The following PCDHA5 variants were observed in gnomAD, a reference collection of about 807,000 sequenced individuals.
PCDHA5 encodes protocadherin alpha-5.
Under a neutral mutation model 61.6 loss-of-function variants are expected in PCDHA5, and 43 were observed. The observed-to-expected ratio is 0.70, with a 90% CI of 0.55 to 0.90. The LOEUF (loss-of-function observed/expected upper bound fraction) is 0.90, where lower values mean the gene tolerates loss of function less well. Ranked by LOEUF, PCDHA5 falls within the 40% of genes least tolerant of loss-of-function variation. The probability of loss-of-function intolerance (pLI) is 0.00; values close to 1 mark genes in which losing one functional copy is unlikely to be tolerated. For missense variants in PCDHA5, 1,298 were observed against 1,222.7 expected, an observed-to-expected ratio of 1.06 and a Z score of -0.92; for synonymous variants, 627 against 543.9, an observed-to-expected ratio of 1.15 and a Z score of -2.13.
rs782316296 is a variant in PCDHA5 at position 140,927,382 on chromosome 5, AG to A, written c.2353-51566del. Reference sequence around the variant, plus strand: ...CAATGGGATACTAAGCTACAGCCTAAGCCCCAGTCAGCACTTTCGCCTGGAC... The same window carrying A: ...CAATGGGATACTAAGCTACAGCCTAACCCCAGTCAGCACTTTCGCCTGGAC... On this transcript the variant is annotated intron_variant, in intron 1 of 3. Coordinates refer to ENST00000529859, the MANE Select transcript of PCDHA5 (RefSeq NM_018908.3). 6 of 1,614,012 alleles carry A rather than the reference AG, an allele frequency of 3.7e-6. No homozygotes were observed. The African/African-American group carries it at 8.0e-5, about 22-fold the overall frequency.
chr5:140,927,357 C>A, intron 1 of PCDHA5: 1 of 1,614,052 alleles, frequency 6.2e-7, no homozygotes, highest in South Asian at 1.1e-5. Context: ...ACGAGGGAAG[C>A]AATGGGATAC....
At chr5:140,884,169 C>A in intron 1 of PCDHA5, 2 of 1,613,426 alleles carry the variant, frequency 1.2e-6, no homozygotes, top group South Asian at 1.1e-5. Flanking sequence ...ATCAGCACGA[C>A]GCGCCCTCTG....
Position 140,851,528 on chromosome 5 carries a change from C to T in PCDHA5, c.2352+27401C>T, listed in dbSNP as rs185754801. ...ATAAAATATGTTTTAAAATGCCTGA[C>T]AATGTAGATAATTCAAGAAATGTTG... On this transcript the variant is annotated intron_variant, in intron 1 of 3. Transcript: ENST00000529859. 15 of 903,994 alleles carry T rather than the reference C, an allele frequency of 1.7e-5. No homozygotes were observed. The East Asian group carries it at 1.6e-3, about 98-fold the overall frequency. The allele number at this position is 903,994 out of a possible 1,614,324, so 56.0% of individuals were successfully genotyped here.
At position 140,857,244 on chromosome 5, in the gene PCDHA5, C is replaced by T. The variant is rs192745808; in HGVS notation, c.2352+33117C>T. On this transcript the variant is annotated intron_variant, in intron 1 of 3. Coordinates refer to ENST00000529859, the MANE Select transcript of PCDHA5 (RefSeq NM_018908.3). ...CACGTTCCGTTCAAGCTGGTGTCCA[C>T]CTACAAGAATTACTACTCATTGGTG... 5 of 1,598,592 alleles carry T rather than the reference C, an allele frequency of 3.1e-6. 1 individual carries two copies. In the African/African-American group the frequency reaches 6.7e-5, roughly 21 times the overall value.
chr5:140,917,942 A>G (rs781844380), intron 1 of PCDHA5, among the ~76,000 whole-genome samples: 5 of 152,048 alleles, frequency 3.3e-5, no homozygotes, highest in African/African-American at 4.8e-5. Flanking sequence ...TAATATTGGT[A>G]GTTTGATAGG....
At chr5:140,857,386 C>T (rs782509093) in intron 1 of PCDHA5, 1 of 1,598,308 alleles carries the variant, frequency 6.3e-7, no homozygotes. Context: ...AGGTGGCCGA[C>T]GTGAACGACA....
chr5:140,951,046 TA>T (rs1414168325), intron 1 of PCDHA5, among the ~76,000 whole-genome samples: 1 of 152,138 alleles, frequency 6.6e-6, no homozygotes, highest in Non-Finnish European at 1.5e-5. Context: ...ATTATATTTT[TA>T]TTGCTAAAAT....
intron 1 of PCDHA5, among the ~76,000 whole-genome samples, chr5:140,903,060 T>C (rs1412957275): frequency 6.6e-6 from 1 of 152,316 alleles, no homozygotes; most frequent in East Asian, 1.9e-4. Flanking sequence ...TGACTTCTTT[T>C]CCTTTGGGTA....
chr5:140,874,167 T>C lies in PCDHA5; in HGVS notation c.2352+50040T>C, dbSNP rs910574514. On this transcript the variant is annotated intron_variant, in intron 1 of 3. Coordinates refer to ENST00000529859, the MANE Select transcript of PCDHA5 (RefSeq NM_018908.3). ...TGTAGAGCCATTCTTGGTTACTCTTTCCTGGTGTTGTAAAGGTGTCATATT... is the reference window on the plus strand; with the variant it reads ...TGTAGAGCCATTCTTGGTTACTCTTCCCTGGTGTTGTAAAGGTGTCATATT... 4.6e-5 allele frequency among the ~76,000 whole-genome samples: 7 copies of C among 152,340 alleles called. No homozygotes were observed. The East Asian group carries it at 1.2e-3, about 25-fold the overall frequency.
intron 1 of PCDHA5, chr5:140,859,356 A>C (rs1159666697): frequency 7.9e-6 from 2 of 251,624 alleles, no homozygotes; most frequent in Admixed American, 9.1e-5. Flanking sequence ...TACTGATCTG[A>C]TATATTGTAT....
chr5:140,830,006 G>C, intron 1 of PCDHA5: 1 of 1,613,960 alleles, frequency 6.2e-7, no homozygotes, highest in Non-Finnish European at 8.5e-7. Context: ...TGTCCTGGAC[G>C]AAGCGGACTC....
chr5:140,909,011 T>G (rs998704146), intron 1 of PCDHA5, among the ~76,000 whole-genome samples: 1 of 152,170 alleles, frequency 6.6e-6, no homozygotes, highest in Non-Finnish European at 1.5e-5. Flanking sequence ...AGGTAGAAGG[T>G]TCCTGAATTT....
rs2150363513 is a variant in PCDHA5 at position 140,843,612 on chromosome 5, C to T, written c.2352+19485C>T. The T allele has an allele frequency of 2.5e-6, 4 of 1,595,894 alleles. No individual in the cohort carries two copies. In the African/African-American group the frequency reaches 5.4e-5, roughly 21 times the overall value. On this transcript the variant is annotated intron_variant, in intron 1 of 3. Coordinates refer to ENST00000529859, the MANE Select transcript of PCDHA5 (RefSeq NM_018908.3). ...CAGAGGGTGTGCTCTGGTGAGGGGC[C>T]ACCGAAGACGGACCTCATGGCCTTC...
At chr5:140,983,997 G>A (rs1191316440) in intron 3 of PCDHA5, among the ~76,000 whole-genome samples, 1 of 152,194 alleles carries the variant, frequency 6.6e-6, no homozygotes, top group Non-Finnish European at 1.5e-5. Context: ...CAATTCATTA[G>A]AGAGCTAATA....
At chr5:140,995,559 A>G (rs2097689300) in intron 3 of PCDHA5, among the ~76,000 whole-genome samples, 1 of 152,242 alleles carries the variant, frequency 6.6e-6, no homozygotes, top group South Asian at 2.1e-4. Context: ...TGTACTGAAT[A>G]ATATGTCAAG....
chr5:140,961,263 T>A (rs782231630), intron 1 of PCDHA5, among the ~76,000 whole-genome samples: 1 of 152,218 alleles, frequency 6.6e-6, no homozygotes, highest in Non-Finnish European at 1.5e-5. Flanking sequence ...TCCAGGAAGC[T>A]TCTTTTTACC....
At chr5:140,883,105 C>T in intron 1 of PCDHA5, 1 of 1,614,056 alleles carries the variant, frequency 6.2e-7, no homozygotes, top group Non-Finnish European at 8.5e-7. Context: ...ATATAGTTTA[C>T]TCATTTAGAA....
intron 1 of PCDHA5, among the ~76,000 whole-genome samples, chr5:140,938,233 A>AC (rs1329361250): frequency 6.6e-6 from 1 of 152,210 alleles, no homozygotes; most frequent in African/African-American, 2.4e-5. Context: ...GGCATAGGCC[A>AC]CCATGCCTGG....
intron 1 of PCDHA5, chr5:140,875,321 TC>T: frequency 1.4e-6 from 2 of 1,427,980 alleles, no homozygotes; most frequent in Non-Finnish European, 1.8e-6. Context: ...TTCCAATCAT[TC>T]ACGGAATAGG....
Sources: allele counts gnomAD v4.1 joint callset (sites outside exome capture counted in the v4.1 genomes callset), GRCh38; gene constraint gnomAD v4.1.1; transcripts MANE v1.5; gene names NCBI Gene and HGNC (gene_info 2026-07-23, HGNC 2026-07-21).